SFMBT2: variants seen among roughly 807,000 people sequenced by gnomAD.
SFMBT2 encodes the protein Scm like with four mbt domains 2, also known as scm-like with four MBT domains protein 2.
A neutral mutation model predicts 110.1 loss-of-function variants in SFMBT2; 38 were observed. The ratio of observed to expected loss-of-function variants is 0.35; its 90% CI spans 0.27 to 0.45. The LOEUF (loss-of-function observed/expected upper bound fraction) is 0.45, where lower values mean the gene tolerates loss of function less well. SFMBT2 is among the 20% of genes least tolerant of loss of function. The pLI, the probability that SFMBT2 is intolerant of heterozygous loss-of-function variation, is 1.00. For synonymous variants in SFMBT2, 425 were observed against 425.4 expected, an observed-to-expected ratio of 1.00 and a Z score of 0.01; for missense variants, 1,011 against 1,094.9, an observed-to-expected ratio of 0.92 and a Z score of 1.08.
At chr10:7,253,531 G>A (rs777917119) in intron 7 of SFMBT2, among the ~76,000 whole-genome samples, 8 of 152,166 alleles carry the variant, frequency 5.3e-5, no homozygotes, top group Admixed American at 2.0e-4. Context: ...AAAACAGTTC[G>A]TAAGTTATAG....
At chr10:7,346,186 C>T (rs1210073819) in intron 4 of SFMBT2, among the ~76,000 whole-genome samples, 2 of 152,158 alleles carry the variant, frequency 1.3e-5, no homozygotes, top group African/African-American at 2.4e-5. Flanking sequence ...TTGCTCTTAT[C>T]CCCTTGTGCA....
intron 1 of SFMBT2, among the ~76,000 whole-genome samples, chr10:7,385,276 C>T (rs1000202226): frequency 6.6e-6 from 1 of 152,176 alleles, no homozygotes; most frequent in Non-Finnish European, 1.5e-5. Context: ...GACAGGATCA[C>T]GTGGTCACTG....
Position 7,210,016 on chromosome 10 carries a change from G to A in SFMBT2, c.1331-4088C>T, listed in dbSNP as rs954172822. Among the ~76,000 whole-genome samples the A allele has an allele frequency of 7.9e-5, 12 of 152,290 alleles. No homozygotes were observed. In the South Asian group the frequency reaches 8.3e-4, roughly 11 times the overall value. On this transcript the variant is annotated intron_variant, in intron 11 of 20. Transcript: ENST00000397167. ...AAACTAAACAGCAATCAACATTTCC[G>A]TTTCTAAGAGAACAAAGACTTTCCG...
intron 4 of SFMBT2, among the ~76,000 whole-genome samples, chr10:7,330,259 AT>A (rs1305107472): frequency 6.6e-6 from 1 of 152,148 alleles, no homozygotes; most frequent in Non-Finnish European, 1.5e-5. Flanking sequence ...ATTTCTCATT[AT>A]TTTTAAAAAT....
intron 4 of SFMBT2, among the ~76,000 whole-genome samples, chr10:7,339,987 G>A (rs1843839533): frequency 6.6e-6 from 1 of 152,106 alleles, no homozygotes; most frequent in South Asian, 2.1e-4. Flanking sequence ...AGTGCTTAGG[G>A]CCTTAACACT....
chr10:7,345,077 C>G (rs12250591), intron 4 of SFMBT2, among the ~76,000 whole-genome samples: 3,713 of 151,856 alleles, frequency 0.024, 153 homozygotes, highest in African/African-American at 0.084. Context: ...GTGAAAGAAC[C>G]CTGACAGGGC....
At chr10:7,206,415 C>A in intron 11 of SFMBT2, 1 of 985,432 alleles carries the variant, frequency 1.0e-6, no homozygotes, top group Non-Finnish European at 1.2e-6. Context: ...GAAAGTCAAG[C>A]ATCACAGCTA....
chr10:7,242,292 T>G (rs1840455828), intron 9 of SFMBT2, among the ~76,000 whole-genome samples: 1 of 152,170 alleles, frequency 6.6e-6, no homozygotes, highest in South Asian at 2.1e-4. Context: ...GTGATGTGGC[T>G]CAGGGTGCAA....
chr10:7,174,904 C>T (rs1275500077), intron 17 of SFMBT2, among the ~76,000 whole-genome samples: 2 of 152,228 alleles, frequency 1.3e-5, no homozygotes, highest in African/African-American at 4.8e-5. Flanking sequence ...AGTGAGGGCA[C>T]AGCTGGCCTC....
intron 7 of SFMBT2, among the ~76,000 whole-genome samples, chr10:7,263,600 T>G (rs886465709): frequency 1.3e-5 from 2 of 152,236 alleles, no homozygotes; most frequent in Admixed American, 6.5e-5. Context: ...ATATCCATCA[T>G]GTATCCCACA....
intron 6 of SFMBT2, among the ~76,000 whole-genome samples, chr10:7,278,614 A>G (rs1426316918): frequency 6.6e-6 from 1 of 152,174 alleles, no homozygotes; most frequent in Non-Finnish European, 1.5e-5. Flanking sequence ...TGGTAGGAAA[A>G]GGACCAGCTC....
rs1394554630 is a variant in SFMBT2, at chr10:7,160,054, GA to G, written c.*3715del. 1.3e-5 allele frequency: 2 copies of G among 152,260 alleles called. No individual in the cohort carries two copies. Among genetic ancestry groups the G allele is most frequent in the South Asian group, 4.2e-4 (2 of 4,818 alleles). 9.4% of individuals were successfully genotyped at this position (152,260 alleles called of 1,614,324 possible). A position where few individuals can be genotyped will look rare whatever the true frequency, so the allele number is the denominator to read the frequency against. ...GAGGAACAAATCAAAGCAAACACAG[GA>G]AATAATCTTTCGAATATGATCAAAT... is the stretch of plus-strand genomic sequence containing the variant. On this transcript the variant is annotated 3_prime_UTR_variant, in exon 21 of 21. Coordinates refer to ENST00000397167, the MANE Select transcript of SFMBT2 (RefSeq NM_001387889.1).
chr10:7,258,093 G>A (rs1841087032), intron 7 of SFMBT2, among the ~76,000 whole-genome samples: 1 of 152,124 alleles, frequency 6.6e-6, no homozygotes, highest in African/African-American at 2.4e-5. Flanking sequence ...CACCATACCT[G>A]GCTAATTTTT....
intron 4 of SFMBT2, among the ~76,000 whole-genome samples, chr10:7,357,951 C>G (rs1844573529): frequency 6.6e-6 from 1 of 152,086 alleles, no homozygotes; most frequent in African/African-American, 2.4e-5. Flanking sequence ...GGGACATCAG[C>G]ATGGCCCCGG....
intron 1 of SFMBT2, among the ~76,000 whole-genome samples, chr10:7,401,143 T>A (rs1367827586): frequency 3.3e-5 from 5 of 151,390 alleles, no homozygotes; most frequent in Admixed American, 6.6e-5. Flanking sequence ...AAAAAAAAAA[T>A]AAAAATAAAA....
chr10:7,357,571 G>T (rs1844561427), intron 4 of SFMBT2, among the ~76,000 whole-genome samples: 2 of 152,118 alleles, frequency 1.3e-5, no homozygotes, highest in Admixed American at 1.3e-4. Context: ...GGGCTCACTG[G>T]TCATCCACAA....
chr10:7,347,791 G>T (rs897262936), intron 4 of SFMBT2, among the ~76,000 whole-genome samples: 2 of 152,174 alleles, frequency 1.3e-5, no homozygotes, highest in Non-Finnish European at 1.5e-5. Context: ...TATGGTAATA[G>T]AATTTTTAAT....
intron 4 of SFMBT2, among the ~76,000 whole-genome samples, chr10:7,328,605 T>C (rs1192930989): frequency 6.6e-6 from 1 of 152,256 alleles, no homozygotes; most frequent in Non-Finnish European, 1.5e-5. Context: ...CTATAATCTG[T>C]TGAGTTAATT....
chr10:7,176,831 C>T (rs1838072968), intron 16 of SFMBT2, among the ~76,000 whole-genome samples: 1 of 151,972 alleles, frequency 6.6e-6, no homozygotes, highest in Admixed American at 6.6e-5. Flanking sequence ...AGTGAAGACC[C>T]CCAGCCTTGC....
Sources: allele counts gnomAD v4.1 joint callset (sites outside exome capture counted in the v4.1 genomes callset), GRCh38; gene constraint gnomAD v4.1.1; transcripts MANE v1.5; gene names NCBI Gene and HGNC (gene_info 2026-07-23, HGNC 2026-07-21).